Variants in HNRNPLL observed in about 807,000 individuals in gnomAD.
HNRNPLL encodes heterogeneous nuclear ribonucleoprotein L like, also known as heterogeneous nuclear ribonucleoprotein L-like.
HNRNPLL carries 25 observed loss-of-function variants against 67.1 expected under a neutral mutation model. That is an observed-to-expected ratio of 0.37 (90% CI 0.27 to 0.52). The LOEUF (loss-of-function observed/expected upper bound fraction) is 0.52, where lower values mean the gene tolerates loss of function less well. Among genes scored for constraint, HNRNPLL ranks in the 20% least tolerant of loss-of-function variants. The pLI, the probability that HNRNPLL is intolerant of heterozygous loss-of-function variation, is 0.90. For missense variants in HNRNPLL, 542 were observed against 673.9 expected (o/e 0.80, Z 2.17); for synonymous variants, 267 against 241.7 (o/e 1.10, Z -0.97).
In HNRNPLL at chr2:38,568,203, C is replaced by T. The variant is rs1573720248; in HGVS notation, c.1569G>A (p.Val523=). The change falls in exon 12 of 13, where the codon GTG becomes GTA. Residue 523 remains valine (V), a synonymous_variant. Coordinates refer to ENST00000449105, the MANE Select transcript of HNRNPLL (RefSeq NM_138394.4). ...CAAATAAAGCATTTTACTTACTCGG[C>T]ACTCTTATCTGATAGTGATTCAGTG... ...LTALNHYQIR[V]PNGSNPYTLK... is the part of the protein sequence containing the mutation. The T allele has an allele frequency of 1.2e-6, 2 of 1,600,238 alleles. No individual in the cohort carries two copies. Among genetic ancestry groups the T allele is most frequent in the Admixed American group, 3.4e-5 (2 of 59,420 alleles).
intron 12 of HNRNPLL, among the ~76,000 whole-genome samples, chr2:38,566,717 C>T (rs769609941): frequency 6.6e-6 from 1 of 151,576 alleles, no homozygotes; most frequent in Non-Finnish European, 1.5e-5. Flanking sequence ...GTCGTGGTTG[C>T]TCACGTCTGT....
intron 12 of HNRNPLL, among the ~76,000 whole-genome samples, chr2:38,564,977 C>T (rs776357068): frequency 7.0e-6 from 1 of 143,856 alleles, no homozygotes; most frequent in African/African-American, 2.6e-5. Context: ...CAATGGGGTA[C>T]ATAAGTTTTG....
chr2:38,565,926 A>T, intron 12 of HNRNPLL: 2 of 691,956 alleles, frequency 2.9e-6, no homozygotes, highest in Non-Finnish European at 3.6e-6. Flanking sequence ...AGAATATTTT[A>T]AAGCAAATTT....
At chr2:38,586,039 TGAGA>T (rs1666717651) in intron 2 of HNRNPLL, among the ~76,000 whole-genome samples, 158 bp from the exon 3 acceptor site, 2 of 149,420 alleles carry the variant, frequency 1.3e-5, no homozygotes, top group Admixed American at 1.5e-4. Flanking sequence ...TTTTTTTTTT[TGAGA>T]CGGAGTCTTT....
chr2:38,582,556 C>T (rs959997113), intron 4 of HNRNPLL, among the ~76,000 whole-genome samples: 15 of 152,120 alleles, frequency 9.9e-5, no homozygotes, highest in Admixed American at 6.5e-4. Flanking sequence ...GTGATCCGCC[C>T]GCCTCGGCCT....
chr2:38,588,980 C>A (rs997607278), intron 2 of HNRNPLL, among the ~76,000 whole-genome samples: 1 of 152,144 alleles, frequency 6.6e-6, no homozygotes, highest in Non-Finnish European at 1.5e-5. Flanking sequence ...TTACCAATTT[C>A]TAAATAAAAA....
chr2:38,601,643 G>C (rs1037626371), intron 1 of HNRNPLL: 1 of 152,126 alleles, frequency 6.6e-6, no homozygotes, highest in Non-Finnish European at 1.5e-5. Flanking sequence ...GAAAGACCTG[G>C]CTCTAGGAAT....
At chr2:38,571,401 A>G (rs1479195168) in intron 8 of HNRNPLL, among the ~76,000 whole-genome samples, 1 of 152,196 alleles carries the variant, frequency 6.6e-6, no homozygotes, top group Non-Finnish European at 1.5e-5. Flanking sequence ...TACCAATGAC[A>G]TAGATGACAC....
chr2:38,588,726 G>GT lies in HNRNPLL; in HGVS notation c.308+2803dup, dbSNP rs563004893. On this transcript the variant is annotated intron_variant, in intron 2 of 12. Coordinates refer to ENST00000449105, the MANE Select transcript of HNRNPLL (RefSeq NM_138394.4). ...AGACATTTTAGCATGTGCTTAAATT[G>GT]TTTTTTGAAAATCTTTAAAACGCAC... 5.1e-4 allele frequency among the ~76,000 whole-genome samples: 77 copies of GT among 152,134 alleles called. 4 individuals carry two copies. The East Asian group carries it at 0.013, about 26-fold the overall frequency.
chr2:38,576,842 T>C (rs976328396), intron 7 of HNRNPLL, among the ~76,000 whole-genome samples: 1 of 151,930 alleles, frequency 6.6e-6, no homozygotes, highest in Non-Finnish European at 1.5e-5. Context: ...TACAGCTAGT[T>C]AAAAGATTCT....
At chr2:38,583,378 G>C (rs534280246) in intron 4 of HNRNPLL, among the ~76,000 whole-genome samples, 10 of 152,126 alleles carry the variant, frequency 6.6e-5, no homozygotes, top group Non-Finnish European at 1.5e-5. Flanking sequence ...CAGCTTGGGG[G>C]AAAGTGTATT....
rs762665259 is a variant in HNRNPLL at position 38,585,722 on chromosome 2, T to C, written c.468A>G (p.Pro156=). Reference sequence around the variant, plus strand: ...CTCCTGATGGATCATCAGTATTTCCTGGCCGAGTGATCCTTTTGCTTGTAG... The same window carrying C: ...CTCCTGATGGATCATCAGTATTTCCCGGCCGAGTGATCCTTTTGCTTGTAG... ...NYSTSKRITR[P]GNTDDPSGGN... Residue 156 remains proline, a synonymous_variant, in exon 3 of 13, where the codon CCA becomes CCG. Transcript: ENST00000449105. 11 of 1,613,914 alleles carry C rather than the reference T, an allele frequency of 6.8e-6. No individual in the cohort carries two copies. Among genetic ancestry groups the C allele is most frequent in the African/African-American group, 1.3e-5 (1 of 74,938 alleles).
rs1399800426 is a variant in HNRNPLL, at chr2:38,602,812, G to T, written c.-186C>A. 1.0e-5 allele frequency: 16 copies of T among 1,544,816 alleles called. No homozygotes were observed. The highest frequency in any genetic ancestry group is 1.4e-5 in the Non-Finnish European group (16 of 1,144,678). On this transcript the variant is annotated 5_prime_UTR_variant, in exon 1 of 13. Coordinates refer to ENST00000449105, the MANE Select transcript of HNRNPLL (RefSeq NM_138394.4). Reference sequence around the variant, plus strand: ...TGAGAAGCGCGGACGGACTGAGGGGGGCGCCCCGGGAGGAAGCTCTGGAGC... The same window carrying T: ...TGAGAAGCGCGGACGGACTGAGGGGTGCGCCCCGGGAGGAAGCTCTGGAGC...
intron 7 of HNRNPLL, among the ~76,000 whole-genome samples, chr2:38,574,790 T>C (rs1322577484): frequency 4.6e-5 from 7 of 151,822 alleles, no homozygotes; most frequent in Admixed American, 4.6e-4. Flanking sequence ...TATTGGCAAT[T>C]GGTAGTTTAA....
rs1280185293 is a variant in HNRNPLL at position 38,564,221 on chromosome 2, A to G, written c.1590T>C (p.Tyr530=). ...QIRVPNGSNP[Y]TLKLCFSTSS... is the part of the protein sequence containing the mutation. ...ATGTAGAAAAGCAAAGCTTCAATGTATAGGGATTGGAACCATCTGTAAAAA... is the reference window on the plus strand; with the variant it reads ...ATGTAGAAAAGCAAAGCTTCAATGTGTAGGGATTGGAACCATCTGTAAAAA... Residue 530 remains tyrosine (Y), a synonymous_variant, in exon 13 of 13, where the codon TAT becomes TAC. Coordinates refer to ENST00000449105, the MANE Select transcript of HNRNPLL (RefSeq NM_138394.4). 1 of 1,561,616 alleles carries G rather than the reference A, an allele frequency of 6.4e-7. No homozygotes were observed. The highest frequency in any genetic ancestry group is 8.8e-7 in the Non-Finnish European group (1 of 1,132,814).
At position 38,569,648 on chromosome 2, in the gene HNRNPLL, C is replaced by T. The variant is rs368092209; in HGVS notation, c.1214+156G>A. ...CTAAGCAAAATCTGAGTGATACGACCCTAACTCTTGTCTAAAATAACAATA... is the reference window on the plus strand; with the variant it reads ...CTAAGCAAAATCTGAGTGATACGACTCTAACTCTTGTCTAAAATAACAATA... On this transcript the variant is annotated intron_variant, in intron 9 of 12. Transcript: ENST00000449105. 2.5e-4 allele frequency among the ~76,000 whole-genome samples: 38 copies of T among 152,130 alleles called. 2 individuals carry two copies. The South Asian group carries it at 7.7e-3, about 31-fold the overall frequency.
At chr2:38,588,142 C>T (rs567098340) in intron 2 of HNRNPLL, among the ~76,000 whole-genome samples, 24 of 152,280 alleles carry the variant, frequency 1.6e-4, no homozygotes, top group African/African-American at 5.5e-4. Context: ...TACCCACTCT[C>T]AAATACGTCT....
chr2:38,586,356 T>G (rs555718814), intron 2 of HNRNPLL, among the ~76,000 whole-genome samples: 1 of 152,160 alleles, frequency 6.6e-6, no homozygotes, highest in Non-Finnish European at 1.5e-5. Flanking sequence ...CAGGTAGATG[T>G]ACACATATGA....
intron 1 of HNRNPLL, among the ~76,000 whole-genome samples, chr2:38,597,239 G>A (rs1197199947): frequency 6.6e-6 from 1 of 152,098 alleles, no homozygotes; most frequent in African/African-American, 2.4e-5. Context: ...ACCGATATTT[G>A]TAATGATTTA....
Sources: allele counts gnomAD v4.1 joint callset (sites outside exome capture counted in the v4.1 genomes callset), GRCh38; gene constraint gnomAD v4.1.1; transcripts MANE v1.5; gene names NCBI Gene and HGNC (gene_info 2026-07-23, HGNC 2026-07-21).